The following CNBD1 variants were observed in gnomAD, a reference collection of about 807,000 sequenced individuals.
CNBD1 encodes the protein cyclic nucleotide-binding domain-containing protein 1.
A neutral mutation model predicts 54.4 loss-of-function variants in CNBD1; 71 were observed. The observed-to-expected ratio is 1.30, with a 90% confidence interval of 1.08 to 1.59. The LOEUF is 1.59. Ranked by LOEUF, CNBD1 falls within the 40% of genes most tolerant of loss-of-function variation. CNBD1 has a pLI of 0.00. For missense variants in CNBD1, 659 were observed against 518.0 expected (o/e 1.27, Z -2.64); for synonymous variants, 182 against 170.7 (o/e 1.07, Z -0.51).
rs150612753 is a variant in CNBD1 at position 87,035,544 on chromosome 8, G to A, written c.431+95790G>A. Among the ~76,000 whole-genome samples the A allele has an allele frequency of 1.3e-3, 191 of 152,292 alleles. 2 individuals carry two copies. The highest frequency in any genetic ancestry group is 4.2e-3 in the African/African-American group (174 of 41,576). On this transcript the variant is annotated intron_variant, in intron 4 of 10. Coordinates refer to ENST00000518476, the MANE Select transcript of CNBD1 (RefSeq NM_173538.3). ...GTAAAACGGTAGTACAAGGTTCAAA[G>A]CAGATACAATCTTTTGACCTTATTC...
At position 87,329,827 on chromosome 8, in the gene CNBD1, A is replaced by G. The variant is rs185505451; in HGVS notation, c.1043-21858A>G. ...TTCTTTTAGATTTTCTATATAGATG[A>G]TTATGTCATCAGCAAAGACAGTTTT... On this transcript the variant is annotated intron_variant, in intron 8 of 10. Coordinates refer to ENST00000518476, the MANE Select transcript of CNBD1 (RefSeq NM_173538.3). 3.9e-5 allele frequency among the ~76,000 whole-genome samples: 6 copies of G among 152,030 alleles called. No homozygotes were observed. In the East Asian group the frequency reaches 5.8e-4, roughly 15 times the overall value.
chr8:87,409,565 C>T (rs958480320), intron 2 of CNBD1, among the ~76,000 whole-genome samples: 4 of 152,104 alleles, frequency 2.6e-5, no homozygotes, highest in Non-Finnish European at 5.9e-5. Context: ...GAAGCATATG[C>T]CATCTTCAAC....
At chr8:87,301,147 C>T (rs372295711) in intron 8 of CNBD1, among the ~76,000 whole-genome samples, 29 of 152,084 alleles carry the variant, frequency 1.9e-4, no homozygotes, top group African/African-American at 6.0e-4. Context: ...TAGCTTAAAT[C>T]AGGAAGAATT....
chr8:87,173,249 G>C (rs1813126316), intron 4 of CNBD1, among the ~76,000 whole-genome samples: 1 of 152,086 alleles, frequency 6.6e-6, no homozygotes, highest in African/African-American at 2.4e-5. Context: ...TCTATGTCTT[G>C]AGAAGTTGTA....
At chr8:87,281,306 T>A (rs1310769735) in intron 6 of CNBD1, among the ~76,000 whole-genome samples, 2 of 150,852 alleles carry the variant, frequency 1.3e-5, no homozygotes, top group African/African-American at 4.8e-5. Flanking sequence ...TACAAGGAGG[T>A]TGGAGGAAAT....
intron 2 of CNBD1, among the ~76,000 whole-genome samples, chr8:87,411,045 T>C (rs1807732863): frequency 6.6e-6 from 1 of 152,046 alleles, no homozygotes; most frequent in African/African-American, 2.4e-5. Context: ...TTTATATGCT[T>C]TGGGAAACCA....
chr8:87,034,293 T>G (rs1809858777), intron 4 of CNBD1, among the ~76,000 whole-genome samples: 1 of 152,228 alleles, frequency 6.6e-6, no homozygotes, highest in Non-Finnish European at 1.5e-5. Context: ...GGTATTGCAC[T>G]AAACATGAAA....
intron 4 of CNBD1, among the ~76,000 whole-genome samples, chr8:87,001,906 C>G (rs55935022): frequency 0.066 from 10,062 of 152,150 alleles, 1,131 homozygotes; most frequent in African/African-American, 0.23. Context: ...TAGGAAGTCA[C>G]CTTTGTCTTT....
intron 4 of CNBD1, among the ~76,000 whole-genome samples, chr8:86,940,995 A>C (rs750833851): frequency 3.3e-5 from 5 of 152,220 alleles, no homozygotes; most frequent in African/African-American, 1.2e-4. Flanking sequence ...AGTGTACTCT[A>C]TGATGTTTAC....
intron 4 of CNBD1, among the ~76,000 whole-genome samples, chr8:87,086,348 G>A (rs919066094): frequency 1.3e-5 from 2 of 152,196 alleles, no homozygotes; most frequent in African/African-American, 4.8e-5. Flanking sequence ...GATTTTTGCT[G>A]AGTAACCCCA....
intron 4 of CNBD1, among the ~76,000 whole-genome samples, chr8:87,191,599 T>C (rs1347498492): frequency 5.3e-5 from 8 of 152,168 alleles, no homozygotes; most frequent in Admixed American, 5.2e-4. Flanking sequence ...TGGAGTTGGG[T>C]TGAGCATTTT....
chr8:87,300,842 G>A (rs1256807554), intron 8 of CNBD1, among the ~76,000 whole-genome samples: 1 of 151,832 alleles, frequency 6.6e-6, no homozygotes, highest in Non-Finnish European at 1.5e-5. Context: ...TTTAAAGAGG[G>A]ACAACAAATA....
chr8:87,402,084 G>T lies in CNBD1; in HGVS notation c.214-26462G>T, dbSNP rs191677478. ...GGGAGACCTCACAATCATGGTGGAA[G>T]GTGAAGGAGGAATGAAGGCACATCT... is the stretch of plus-strand genomic sequence containing the variant. On this transcript the variant is annotated intron_variant, in intron 2 of 7. Transcript: ENST00000521593. 3.1e-3 allele frequency among the ~76,000 whole-genome samples: 479 copies of T among 152,158 alleles called. 2 individuals carry two copies. The highest frequency in any genetic ancestry group is 0.011 in the African/African-American group (452 of 41,544).
chr8:87,372,052 C>T (rs547048341), intron 10 of CNBD1, among the ~76,000 whole-genome samples: 1 of 152,108 alleles, frequency 6.6e-6, no homozygotes, highest in Admixed American at 6.6e-5. Flanking sequence ...CAAATTGTCC[C>T]TGTTTGCAGA....
intron 1 of CNBD1, 60 bp from the exon 2 acceptor site, chr8:86,887,482 A>T: frequency 9.6e-7 from 1 of 1,046,174 alleles, no homozygotes; most frequent in Non-Finnish European, 1.4e-6. Context: ...AACTCTATTT[A>T]CACACTTGCT....
intron 5 of CNBD1, among the ~76,000 whole-genome samples, chr8:87,209,884 A>T (rs1814055833): frequency 6.6e-6 from 1 of 152,186 alleles, no homozygotes; most frequent in Non-Finnish European, 1.5e-5. Context: ...TGCATTGCCC[A>T]TAATCTTCCC....
chr8:87,095,561 C>T (rs6651184), intron 4 of CNBD1, among the ~76,000 whole-genome samples: 3 of 152,320 alleles, frequency 2.0e-5, no homozygotes, highest in African/African-American at 4.8e-5. Flanking sequence ...CTTTTAACTG[C>T]CTGTTGGCAA....
chr8:87,232,640 A>G (rs1807468416), intron 5 of CNBD1, among the ~76,000 whole-genome samples: 1 of 152,122 alleles, frequency 6.6e-6, no homozygotes, highest in South Asian at 2.1e-4. Context: ...TAGCTAAAAA[A>G]CGTTATATAA....
chr8:86,988,973 CA>C (rs1301300055), intron 4 of CNBD1, among the ~76,000 whole-genome samples: 1 of 151,910 alleles, frequency 6.6e-6, no homozygotes, highest in African/African-American at 2.4e-5. Flanking sequence ...AATAGTGCTG[CA>C]AAAAACATGA....
Sources: gnomAD v4.1 joint callset for allele counts (sites outside exome capture counted in the v4.1 genomes callset) on GRCh38, gnomAD v4.1.1 for gene constraint, MANE v1.5 for transcripts, NCBI Gene and HGNC (gene_info 2026-07-23, HGNC 2026-07-21) for gene names.